The following ANKDD1B variants were observed in gnomAD, a reference collection of about 807,000 sequenced individuals.
The protein encoded by ANKDD1B is ankyrin repeat and death domain containing 1B, also known as ankyrin repeat and death domain-containing protein 1B.
A neutral mutation model predicts 59.7 loss-of-function variants in ANKDD1B; 57 were observed. The observed-to-expected ratio is 0.95, with a 90% CI of 0.77 to 1.19. The LOEUF (loss-of-function observed/expected upper bound fraction) is 1.19. Among genes scored for constraint, ANKDD1B ranks in the 50% most tolerant of loss-of-function variants. ANKDD1B has a pLI of 0.00. For missense variants in ANKDD1B, 602 were observed against 641.9 expected (o/e 0.94, Z 0.67); for synonymous variants, 216 against 239.5 (o/e 0.90, Z 0.91).
intron 7 of ANKDD1B, among the ~76,000 whole-genome samples, chr5:75,645,062 C>T (rs1774603735): frequency 7.5e-6 from 1 of 132,466 alleles, no homozygotes; most frequent in Admixed American, 6.9e-5. Flanking sequence ...AGAACAAAGA[C>T]ACCACATACC....
intron 1 of ANKDD1B, among the ~76,000 whole-genome samples, chr5:75,612,736 T>G (rs1484296190): frequency 2.6e-5 from 4 of 152,022 alleles, no homozygotes; most frequent in Admixed American, 2.6e-4. Context: ...TAATTTAAGG[T>G]AAGTGCAGTG....
intron 3 of ANKDD1B, among the ~76,000 whole-genome samples, chr5:75,622,309 C>T (rs1773869164): frequency 6.6e-6 from 1 of 152,290 alleles, no homozygotes; most frequent in African/African-American, 2.4e-5. Flanking sequence ...TCTCAGGCCC[C>T]ACCCCAGGCC....
intron 5 of ANKDD1B, among the ~76,000 whole-genome samples, chr5:75,629,179 C>G (rs1028632870): frequency 2.6e-5 from 4 of 152,120 alleles, no homozygotes; most frequent in Non-Finnish European, 5.9e-5. Flanking sequence ...TAGATTTCAT[C>G]AAATCTATTG....
chr5:75,612,358 G>T (rs1370662822), intron 1 of ANKDD1B, among the ~76,000 whole-genome samples: 1 of 31,908 alleles, frequency 3.1e-5, no homozygotes, highest in Non-Finnish European at 5.6e-5. Flanking sequence ...CCTCCGCCCC[G>T]CGTGTAGGGT....
In ANKDD1B at chr5:75,656,082, A is replaced by T; in HGVS notation, c.951A>T (p.Val317=). ...TTATCAACAACCACATCACGGTTGTAAACAGTTTATTAAGTGCACAGCATG... is the reference window on the plus strand; with the variant it reads ...TTATCAACAACCACATCACGGTTGTTAACAGTTTATTAAGTGCACAGCATG... ...LVVINNHITV[V]NSLLSAQHDI... Residue 317 remains valine, a synonymous_variant, in exon 9 of 14, where the codon GTA becomes GTT. Transcript: ENST00000601380. 5.2e-6 allele frequency: 8 copies of T among 1,530,114 alleles called. No homozygotes were observed. Among genetic ancestry groups the T allele is most frequent in the Non-Finnish European group, 7.0e-6 (8 of 1,141,546 alleles). 94.8% of individuals were successfully genotyped at this position (1,530,114 alleles called of 1,614,324 possible). A position where few individuals can be genotyped will look rare whatever the true frequency, so the allele number is the denominator to read the frequency against.
At chr5:75,637,319 CTGTGGCTA>C (rs952001546) in intron 7 of ANKDD1B, among the ~76,000 whole-genome samples, 1 of 143,584 alleles carries the variant, frequency 7.0e-6, no homozygotes, top group Non-Finnish European at 1.5e-5. Flanking sequence ...GGGGATGTGG[CTGTGGCTA>C]TGCAGGCGGG....
At chr5:75,649,947 T>G (rs1479822844) in intron 7 of ANKDD1B, among the ~76,000 whole-genome samples, 3 of 152,236 alleles carry the variant, frequency 2.0e-5, no homozygotes, top group Non-Finnish European at 2.9e-5. Context: ...ATCCCTCCAC[T>G]ATCTAAAATA....
intron 7 of ANKDD1B, among the ~76,000 whole-genome samples, chr5:75,652,037 A>G (rs1774846061): frequency 6.6e-6 from 1 of 152,198 alleles, no homozygotes; most frequent in Non-Finnish European, 1.5e-5. Context: ...GAGTGAAGAA[A>G]ATAACCCTGC....
rs1773551661 is a variant in ANKDD1B at position 75,611,533 on chromosome 5, G to T, written c.-102G>T. On this transcript the variant is annotated 5_prime_UTR_variant, in exon 1 of 14. Transcript: ENST00000601380. ...GCTGACCTGCCTGCGTCCAGCCCCC[G>T]CGCCCTGGGCCTGCCTGGGTCTGGA... 4.0e-6 allele frequency: 4 copies of T among 1,001,074 alleles called. No individual in the cohort carries two copies. The highest frequency in any genetic ancestry group is 3.3e-5 in the African/African-American group (2 of 59,746). 62.0% of individuals were successfully genotyped at this position (1,001,074 alleles called of 1,614,324 possible).
chr5:75,629,995 CCTT>C (rs1040113642), intron 5 of ANKDD1B, among the ~76,000 whole-genome samples: 6 of 152,002 alleles, frequency 3.9e-5, no homozygotes, highest in Non-Finnish European at 7.4e-5. Context: ...AATCCTGGAC[CCTT>C]CTTCTTTTAG....
At chr5:75,667,128 G>C (rs1775331242) in intron 12 of ANKDD1B, 135 bp downstream of exon 12, 1 of 539,814 alleles carries the variant, frequency 1.9e-6, no homozygotes, top group Non-Finnish European at 3.1e-6. Flanking sequence ...AGGAATAGGG[G>C]CAGTTAGCTT....
intron 7 of ANKDD1B, among the ~76,000 whole-genome samples, chr5:75,636,920 G>A (rs1774319432): frequency 6.6e-6 from 1 of 151,888 alleles, no homozygotes; most frequent in South Asian, 2.1e-4. Flanking sequence ...CTTGGGAGGT[G>A]GGTACATTCA....
intron 7 of ANKDD1B, among the ~76,000 whole-genome samples, chr5:75,648,320 GA>G (rs935394438): frequency 4.8e-5 from 7 of 145,126 alleles, no homozygotes; most frequent in African/African-American, 1.8e-4. Context: ...AGAATGTGGA[GA>G]ATGTGGAGAG....
chr5:75,623,837 C>A (rs1024604209), intron 3 of ANKDD1B, among the ~76,000 whole-genome samples: 2 of 152,258 alleles, frequency 1.3e-5, no homozygotes, highest in African/African-American at 4.8e-5. Flanking sequence ...GGCAAAATCA[C>A]CCCCAGTTGA....
At chr5:75,630,267 T>A (rs1164725582) in intron 5 of ANKDD1B, among the ~76,000 whole-genome samples, 2 of 152,254 alleles carry the variant, frequency 1.3e-5, no homozygotes, top group African/African-American at 4.8e-5. Flanking sequence ...GAAATTCCTG[T>A]TATTTTGTCT....
In ANKDD1B at chr5:75,659,277, T is replaced by A. The variant is rs900994460; in HGVS notation, c.997-6T>A. 6.5e-7 allele frequency: 1 copy of A among 1,534,084 alleles called. No individual in the cohort carries two copies. Among genetic ancestry groups the A allele is most frequent in the Non-Finnish European group, 8.7e-7 (1 of 1,145,022 alleles). On this transcript the variant is annotated splice_region_variant and splice_polypyrimidine_tract_variant and intron_variant, in intron 9 of 13. Transcript: ENST00000601380. ...AAGTTTGTTCCCCTCCTTAATTTCA[T>A]GGCAGAAGCAGCAAACCCCTCTGCA...
rs1324960843 is a variant in ANKDD1B, at chr5:75,663,408, C to T, written c.1110C>T (p.Ala370=). The T allele has an allele frequency of 1.3e-6, 2 of 1,536,142 alleles. No homozygotes were observed. Among genetic ancestry groups the T allele is most frequent in the Non-Finnish European group, 1.7e-6 (2 of 1,146,840 alleles). The change falls in exon 11 of 14, where the codon GCC becomes GCT. Residue 370 remains alanine, a synonymous_variant. Coordinates refer to ENST00000601380, the MANE Select transcript of ANKDD1B (RefSeq NM_001276713.2). The part of the protein sequence containing the change: ...LKAVDKQGKT[A]LAVASRSNHS... The stretch of plus-strand genomic sequence containing the variant: ...TTTAATTTTAGCAAGGAAAGACTGC[C>T]CTGGCTGTGGCCTCCAGGAGCAACC...
intron 10 of ANKDD1B, among the ~76,000 whole-genome samples, chr5:75,661,271 A>G (rs1156722219): frequency 2.0e-5 from 3 of 151,620 alleles, no homozygotes; most frequent in African/African-American, 4.8e-5. Context: ...GTGATGCGCA[A>G]CTGTAATCCC....
intron 1 of ANKDD1B, among the ~76,000 whole-genome samples, chr5:75,612,184 C>A (rs904847705): frequency 1.3e-5 from 2 of 152,194 alleles, no homozygotes; most frequent in African/African-American, 4.8e-5. Flanking sequence ...TTAAATAAGT[C>A]AGTCACTTAA....
Sources: gnomAD v4.1 joint callset for allele counts (sites outside exome capture counted in the v4.1 genomes callset) on GRCh38, gnomAD v4.1.1 for gene constraint, MANE v1.5 for transcripts, NCBI Gene and HGNC (gene_info 2026-07-23, HGNC 2026-07-21) for gene names.